The following RMDN2 variants were observed in gnomAD, a reference collection of about 807,000 sequenced individuals.
The protein encoded by RMDN2 is regulator of microtubule dynamics 2, also known as regulator of microtubule dynamics protein 2.
In RMDN2, 61 loss-of-function variants were observed where a neutral mutation model predicts 52.8. The observed-to-expected ratio is 1.16, with a 90% CI of 0.94 to 1.43. The LOEUF (loss-of-function observed/expected upper bound fraction) is 1.43, where lower values mean the gene tolerates loss of function less well. RMDN2 is among the 40% of genes most tolerant of loss of function. The probability of loss-of-function intolerance (pLI) is 0.00; values close to 1 mark genes in which losing one functional copy is unlikely to be tolerated. For synonymous variants in RMDN2, 180 were observed against 153.1 expected (o/e 1.18, Z -1.30); for missense variants, 592 against 475.3 (o/e 1.25, Z -2.28).
rs557972862 is a variant in RMDN2, at chr2:37,952,421, T to C, written c.453-21619T>C. 8.0e-5 allele frequency: 40 copies of C among 496,956 alleles called. No individual in the cohort carries two copies. In the South Asian group the frequency reaches 1.8e-3, roughly 23 times the overall value. 30.8% of individuals were successfully genotyped at this position (496,956 alleles called of 1,614,324 possible). On this transcript the variant is annotated intron_variant, in intron 2 of 10. Transcript: ENST00000354545. The stretch of plus-strand genomic sequence containing the variant: ...TTGGAGTATGGAAGTCAAAGATGAT[T>C]TTGTTTCAAGCTTTTTTCAGATTTA...
chr2:38,012,943 C>G (rs1179579056), intron 10 of RMDN2, among the ~76,000 whole-genome samples: 1 of 152,200 alleles, frequency 6.6e-6, no homozygotes, highest in Admixed American at 6.5e-5. Context: ...TGTCTTCTGT[C>G]CCCTATTAGG....
chr2:37,988,196 AAG>A (rs1197722754), intron 5 of RMDN2, among the ~76,000 whole-genome samples: 8 of 152,242 alleles, frequency 5.3e-5, no homozygotes, highest in African/African-American at 1.9e-4. Context: ...TTTTAAATAA[AAG>A]AACATAGGCC....
chr2:38,021,628 G>A (rs113692291), downstream of RMDN2, among the ~76,000 whole-genome samples: 10,653 of 152,150 alleles, frequency 0.07, 388 homozygotes, highest in East Asian at 0.11. Context: ...GAGGGTCCAC[G>A]GCTTCATTCT....
downstream of RMDN2, among the ~76,000 whole-genome samples, chr2:38,021,169 T>A (rs1679340985): frequency 6.6e-6 from 1 of 152,182 alleles, no homozygotes; most frequent in Non-Finnish European, 1.5e-5. Context: ...GTCCACACTC[T>A]GTATCTAGCT....
At chr2:37,926,099 T>C (rs1666255616) in intron 1 of RMDN2, among the ~76,000 whole-genome samples, 1 of 121,896 alleles carries the variant, frequency 8.2e-6, no homozygotes, top group Admixed American at 7.9e-5. Context: ...TTAGGAAACT[T>C]AAACCTCGGG....
intron 7 of RMDN2, among the ~76,000 whole-genome samples, chr2:37,995,652 A>G (rs1675440121): frequency 6.6e-6 from 1 of 152,226 alleles, no homozygotes. Flanking sequence ...GATCTAATAA[A>G]TATGAAGCCA....
intron 5 of RMDN2, among the ~76,000 whole-genome samples, chr2:37,982,403 G>T (rs879861446): frequency 6.6e-6 from 1 of 152,162 alleles, no homozygotes; most frequent in Non-Finnish European, 1.5e-5. Flanking sequence ...TTTTGATGCT[G>T]CCCTCACATA....
chr2:37,979,373 C>T (rs1673000533), intron 4 of RMDN2, among the ~76,000 whole-genome samples: 1 of 152,034 alleles, frequency 6.6e-6, no homozygotes, highest in South Asian at 2.1e-4. Flanking sequence ...ATGGTAATGA[C>T]CAAGTATACT....
At chr2:37,967,697 C>G (rs1343864371) in intron 2 of RMDN2, among the ~76,000 whole-genome samples, 2 of 152,218 alleles carry the variant, frequency 1.3e-5, no homozygotes, top group African/African-American at 2.4e-5. Flanking sequence ...GCTCATTCCT[C>G]TCATCGAACA....
In RMDN2 at chr2:37,969,029, C is replaced by A. The variant is rs536927418; in HGVS notation, c.453-5011C>A. ...GTTCAAAGTAGGAAACCAATTTTCC[C>A]ACAGCTGGGTTTTTTTTTTTTTTCA... On this transcript the variant is annotated intron_variant, in intron 2 of 10. Coordinates refer to ENST00000354545, the MANE Select transcript of RMDN2 (RefSeq NM_001170791.3). Among the ~76,000 whole-genome samples the A allele has an allele frequency of 7.3e-5, 11 of 150,662 alleles. No homozygotes were observed. In the South Asian group the frequency reaches 2.3e-3, roughly 32 times the overall value.
chr2:38,015,834 A>G (rs1678696452), intron 10 of RMDN2, among the ~76,000 whole-genome samples: 2 of 152,230 alleles, frequency 1.3e-5, no homozygotes, highest in Admixed American at 1.3e-4. Flanking sequence ...CCACAGCAGA[A>G]TTGGCCTGGG....
At chr2:38,042,408 C>T (rs1354528854) in intron 10 of RMDN2, among the ~76,000 whole-genome samples, 1 of 53,638 alleles carries the variant, frequency 1.9e-5, no homozygotes, top group African/African-American at 5.2e-5. Flanking sequence ...CCCCGCCACA[C>T]ACACACACAC....
intron 2 of RMDN2, among the ~76,000 whole-genome samples, chr2:37,936,850 T>C (rs968188691): frequency 1.3e-5 from 2 of 152,236 alleles, no homozygotes; most frequent in African/African-American, 4.8e-5. Context: ...GGGTGCCTGT[T>C]CACTCTGATG....
intron 10 of RMDN2, among the ~76,000 whole-genome samples, chr2:38,037,204 C>G (rs998622815): frequency 1.3e-5 from 2 of 152,112 alleles, no homozygotes; most frequent in African/African-American, 4.8e-5. Flanking sequence ...ATTTTCTATG[C>G]AAGATTTTGT....
At chr2:38,058,775 A>C (rs1681935512) in intron 10 of RMDN2, among the ~76,000 whole-genome samples, 1 of 152,108 alleles carries the variant, frequency 6.6e-6, no homozygotes, top group Non-Finnish European at 1.5e-5. Flanking sequence ...TTGCGACCTG[A>C]GTTTATTTTC....
rs937770199 is a variant in RMDN2 at position 38,029,820 on chromosome 2, T to C, written c.1713+25604T>C. On this transcript the variant is annotated intron_variant, in intron 10 of 10. Coordinates refer to the RMDN2 transcript ENST00000234195. ...TGATAAAGACATACCCACCACTAGA[T>C]AATTTATAAAGAAAAAGAAGTTTAA... 2.0e-5 allele frequency: 3 copies of C among 151,908 alleles called. 1 individual carries two copies. Among genetic ancestry groups the C allele is most frequent in the African/African-American group, 7.3e-5 (3 of 41,290 alleles). The allele number at this position is 151,908 out of a possible 1,614,324, so 9.4% of individuals were successfully genotyped here. A position where few individuals can be genotyped will look rare whatever the true frequency, so the allele number is the denominator to read the frequency against.
chr2:37,985,205 C>G (rs1057217250), intron 5 of RMDN2, among the ~76,000 whole-genome samples: 1 of 151,892 alleles, frequency 6.6e-6, no homozygotes, highest in South Asian at 2.1e-4. Flanking sequence ...ATAAGTAGTT[C>G]TGATTTGCAG....
upstream of RMDN2, among the ~76,000 whole-genome samples, chr2:37,922,507 A>T (rs909108084): frequency 2.6e-5 from 4 of 152,182 alleles, no homozygotes; most frequent in African/African-American, 9.7e-5. Context: ...TCAAATGTAC[A>T]TACTACTTTC....
chr2:37,940,299 C>T (rs1220129991), intron 2 of RMDN2, among the ~76,000 whole-genome samples: 1 of 152,186 alleles, frequency 6.6e-6, no homozygotes, highest in African/African-American at 2.4e-5. Context: ...ACCTTTCTCT[C>T]TGGCTGTCCT....
Sources: gnomAD v4.1 joint callset for allele counts (sites outside exome capture counted in the v4.1 genomes callset) on GRCh38, gnomAD v4.1.1 for gene constraint, MANE v1.5 for transcripts, NCBI Gene and HGNC (gene_info 2026-07-23, HGNC 2026-07-21) for gene names.